GRM7: variants seen among roughly 807,000 people sequenced by gnomAD.
The protein encoded by GRM7 is glutamate metabotropic receptor 7.
A neutral mutation model predicts 84.5 loss-of-function variants in GRM7; 35 were observed. The ratio of observed to expected loss-of-function variants is 0.41; its 90% CI spans 0.32 to 0.55. The LOEUF (loss-of-function observed/expected upper bound fraction) is 0.55, where lower values mean the gene tolerates loss of function less well. GRM7 is among the 20% of genes least tolerant of loss of function. GRM7 has a pLI of 0.19. For synonymous variants in GRM7, 487 were observed against 455.1 expected (o/e 1.07, Z -0.89); for missense variants, 1,003 against 1,194.6 (o/e 0.84, Z 2.36).
At chr3:7,740,286 G>C in intron 9 of GRM7, 71 bp from the exon 10 acceptor site, 1 of 1,009,296 alleles carries the variant, frequency 9.9e-7, no homozygotes, top group Non-Finnish European at 1.5e-6. Flanking sequence ...CAAGTGAAAA[G>C]TTCTAATTCT....
chr3:7,085,352 A>G (rs921263008), intron 1 of GRM7, among the ~76,000 whole-genome samples: 6 of 152,286 alleles, frequency 3.9e-5, no homozygotes, highest in African/African-American at 1.4e-4. Context: ...AAGAATCAAA[A>G]TGTTCTTTAT....
intron 4 of GRM7, among the ~76,000 whole-genome samples, chr3:7,398,623 G>A (rs1559294055): frequency 6.6e-6 from 1 of 151,954 alleles, no homozygotes; most frequent in African/African-American, 2.4e-5. Flanking sequence ...GGTTTTTTGT[G>A]TGTATATATA....
chr3:7,467,186 C>G (rs1163685501), intron 7 of GRM7, among the ~76,000 whole-genome samples: 1 of 152,074 alleles, frequency 6.6e-6, no homozygotes, highest in African/African-American at 2.4e-5. Flanking sequence ...CTCCCAGGTT[C>G]AAACGACTCT....
chr3:7,212,006 A>G (rs1302078990), intron 2 of GRM7, among the ~76,000 whole-genome samples: 3 of 151,852 alleles, frequency 2.0e-5, no homozygotes, highest in Non-Finnish European at 4.4e-5. Context: ...TCTTTCTTCA[A>G]ATAGCATCAA....
chr3:7,582,573 G>A (rs773546655), intron 8 of GRM7, among the ~76,000 whole-genome samples: 6 of 152,132 alleles, frequency 3.9e-5, no homozygotes, highest in Admixed American at 6.6e-5. Context: ...AGAGAAAATT[G>A]CTAAAAAGGA....
chr3:7,156,836 G>T (rs117388193), intron 2 of GRM7, among the ~76,000 whole-genome samples: 3 of 151,680 alleles, frequency 2.0e-5, no homozygotes, highest in African/African-American at 7.3e-5. Context: ...TTTCATTGTT[G>T]TTTTCACTTG....
intron 8 of GRM7, among the ~76,000 whole-genome samples, chr3:7,599,639 T>C (rs899138931): frequency 6.6e-6 from 1 of 152,136 alleles, no homozygotes; most frequent in Non-Finnish European, 1.5e-5. Flanking sequence ...AAAGAGGCAG[T>C]GTTTATATGA....
At chr3:7,473,696 A>G (rs931362066) in intron 7 of GRM7, among the ~76,000 whole-genome samples, 5 of 152,174 alleles carry the variant, frequency 3.3e-5, no homozygotes, top group Non-Finnish European at 7.3e-5. Context: ...GAATACAGCA[A>G]AGAGGATTTT....
intron 2 of GRM7, among the ~76,000 whole-genome samples, chr3:7,202,072 G>C (rs578202475): frequency 2.0e-5 from 3 of 151,850 alleles, no homozygotes; most frequent in Admixed American, 1.3e-4. Context: ...TGCTCTTGAT[G>C]CTGCTATCTA....
intron 8 of GRM7, among the ~76,000 whole-genome samples, chr3:7,590,897 G>C (rs963961659): frequency 6.6e-6 from 1 of 152,156 alleles, no homozygotes; most frequent in Non-Finnish European, 1.5e-5. Flanking sequence ...TCATTAAAAT[G>C]AAAGTACCTT....
At chr3:7,462,764 C>T (rs1204782835) in intron 7 of GRM7, among the ~76,000 whole-genome samples, 1 of 152,082 alleles carries the variant, frequency 6.6e-6, no homozygotes, top group Non-Finnish European at 1.5e-5. Flanking sequence ...CTGTCCAGTT[C>T]TCCCCATTGT....
intron 7 of GRM7, among the ~76,000 whole-genome samples, chr3:7,480,403 A>T (rs977392169): frequency 6.6e-6 from 1 of 152,208 alleles, no homozygotes; most frequent in African/African-American, 2.4e-5. Flanking sequence ...AAAGTTAGTT[A>T]TATGTAAACT....
At chr3:7,435,679 GTTTTTTTTTTTTTT>G (rs71066011) in intron 5 of GRM7, among the ~76,000 whole-genome samples, 6 of 88,526 alleles carry the variant, frequency 6.8e-5, no homozygotes, top group African/African-American at 2.9e-4. Flanking sequence ...CATCCGGCTA[GTTTTTTTTTTTTTT>G]TTTTTTTTTT....
intron 1 of GRM7, among the ~76,000 whole-genome samples, chr3:7,081,599 A>C (rs910468858): frequency 6.6e-6 from 1 of 152,046 alleles, no homozygotes; most frequent in African/African-American, 2.4e-5. Context: ...CACATCTCTC[A>C]CTTTAAATCA....
chr3:7,710,993 G>A (rs772098633), intron 9 of GRM7, among the ~76,000 whole-genome samples: 7 of 152,062 alleles, frequency 4.6e-5, no homozygotes, highest in Admixed American at 6.6e-5. Flanking sequence ...TCCCTCCTAT[G>A]TACTCCCACA....
At chr3:7,020,608 T>TA (rs1243156409) in intron 1 of GRM7, among the ~76,000 whole-genome samples, 4 of 152,190 alleles carry the variant, frequency 2.6e-5, no homozygotes, top group African/African-American at 9.6e-5. Context: ...GTATACTTAA[T>TA]AAAGATATCA....
At chr3:7,351,428 G>T (rs1265961686) in intron 4 of GRM7, among the ~76,000 whole-genome samples, 1 of 148,786 alleles carries the variant, frequency 6.7e-6, no homozygotes, top group African/African-American at 2.5e-5. Context: ...TCATATGCTT[G>T]CAGCCCTATA....
At chr3:7,132,518 C>T (rs1439177443) in intron 1 of GRM7, among the ~76,000 whole-genome samples, 3 of 151,968 alleles carry the variant, frequency 2.0e-5, no homozygotes, top group Admixed American at 6.6e-5. Flanking sequence ...ATGCAGAAAT[C>T]GTATAAATCT....
At chr3:7,319,484 T>C (rs1353772570) in intron 4 of GRM7, among the ~76,000 whole-genome samples, 1 of 152,048 alleles carries the variant, frequency 6.6e-6, no homozygotes, top group Admixed American at 6.6e-5. Flanking sequence ...TCTTGAGACC[T>C]GTAGCCTTTG....
Sources: gnomAD v4.1 joint callset for allele counts (sites outside exome capture counted in the v4.1 genomes callset) on GRCh38, gnomAD v4.1.1 for gene constraint, MANE v1.5 for transcripts, NCBI Gene and HGNC (gene_info 2026-07-23, HGNC 2026-07-21) for gene names.